The following XIRP2 variants were observed in gnomAD, a reference collection of about 807,000 sequenced individuals.
XIRP2 encodes the protein xin actin-binding repeat-containing protein 2.
Under a neutral mutation model 277.0 loss-of-function variants are expected in XIRP2, and 236 were observed. The observed-to-expected ratio is 0.85, with a 90% CI of 0.77 to 0.95. The LOEUF (loss-of-function observed/expected upper bound fraction) is 0.95. XIRP2 is among the 40% of genes least tolerant of loss of function. The probability of loss-of-function intolerance (pLI) is 0.00; values close to 1 mark genes in which losing one functional copy is unlikely to be tolerated. For synonymous variants in XIRP2, 1,490 were observed against 1,416.5 expected (o/e 1.05, Z -1.17); for missense variants, 4,640 against 4,157.5 (o/e 1.12, Z -3.19).
At chr2:167,231,010 G>A (rs772284601) in intron 5 of XIRP2, among the ~76,000 whole-genome samples, 1 of 151,998 alleles carries the variant, frequency 6.6e-6, no homozygotes, top group Non-Finnish European at 1.5e-5. Context: ...ATTCATTAGT[G>A]CAATTACAAA....
chr2:166,923,506 A>G (rs1184741863), intron 2 of XIRP2, among the ~76,000 whole-genome samples: 1 of 152,116 alleles, frequency 6.6e-6, no homozygotes, highest in Non-Finnish European at 1.5e-5. Context: ...TCCAAAATAG[A>G]TAGCCATTAA....
At chr2:166,963,990 G>A (rs549103428) in intron 2 of XIRP2, among the ~76,000 whole-genome samples, 1 of 151,830 alleles carries the variant, frequency 6.6e-6, no homozygotes, top group South Asian at 2.1e-4. Flanking sequence ...GAAACAGGTG[G>A]TGGGAGACAG....
intron 5 of XIRP2, among the ~76,000 whole-genome samples, chr2:167,221,460 CAAAAAAAAA>C (rs57006710): frequency 0.034 from 2,174 of 63,524 alleles, 42 homozygotes; most frequent in Middle Eastern, 0.15. Flanking sequence ...AACTCCATCT[CAAAAAAAAA>C]AAAAAAAAAA....
At chr2:167,088,023 C>T (rs1266561931) in intron 2 of XIRP2, among the ~76,000 whole-genome samples, 1 of 152,124 alleles carries the variant, frequency 6.6e-6, no homozygotes, top group East Asian at 1.9e-4. Flanking sequence ...AGTTTGTAAG[C>T]CATTGGTCAT....
intron 2 of XIRP2, among the ~76,000 whole-genome samples, chr2:166,922,720 C>T (rs952898259): frequency 5.9e-5 from 9 of 151,530 alleles, no homozygotes; most frequent in African/African-American, 2.2e-4. Flanking sequence ...CACACCACTG[C>T]ACTCCAGCCT....
chr2:166,925,249 C>T (rs965532655), intron 2 of XIRP2, among the ~76,000 whole-genome samples: 6 of 151,920 alleles, frequency 3.9e-5, no homozygotes, highest in African/African-American at 1.4e-4. Context: ...ATGAAGTTTT[C>T]ATTGAGCCAT....
At chr2:166,986,630 A>G (rs951427370) in intron 2 of XIRP2, among the ~76,000 whole-genome samples, 2 of 152,186 alleles carry the variant, frequency 1.3e-5, no homozygotes, top group African/African-American at 4.8e-5. Context: ...GGAACTGCTT[A>G]TTTTGCAACT....
At chr2:166,910,336 C>T (rs182402620) in intron 2 of XIRP2, among the ~76,000 whole-genome samples, 1 of 152,086 alleles carries the variant, frequency 6.6e-6, no homozygotes, top group Non-Finnish European at 1.5e-5. Context: ...CTGGTTTAGT[C>T]TTGGGAGGGT....
intron 2 of XIRP2, among the ~76,000 whole-genome samples, chr2:166,985,240 C>T (rs991629828): frequency 2.2e-4 from 33 of 151,970 alleles, no homozygotes; most frequent in Admixed American, 1.3e-3. Flanking sequence ...GCTTAGTGAC[C>T]CTAGCTAACA....
Position 167,251,422 on chromosome 2 carries a change from C to A in XIRP2, c.10030C>A (p.Pro3344Thr). Reference protein sequence around the residue: ...NRWFREFEHGPVSEAKSNRRV... With the variant: ...NRWFREFEHGTVSEAKSNRRV... Reference sequence around the variant, plus strand: ...ATGGTTCAGGGAATTTGAGCATGGCCCAGTTTCTGAAGCAAAGTCAAATAG... The same window carrying A: ...ATGGTTCAGGGAATTTGAGCATGGCACAGTTTCTGAAGCAAAGTCAAATAG... Residue 3344 changes from proline (P) to threonine (T), a missense_variant, in exon 9 of 11, where the codon CCA becomes ACA. Pro to Thr is a conservative substitution (Grantham distance 38, BLOSUM62 -1). Transcript: ENST00000409195. The A allele has an allele frequency of 6.2e-7, 1 of 1,613,502 alleles. No individual in the cohort carries two copies. Among genetic ancestry groups the A allele is most frequent in the Non-Finnish European group, 8.5e-7 (1 of 1,179,668 alleles).
chr2:166,951,900 C>T (rs1354679307), intron 2 of XIRP2, among the ~76,000 whole-genome samples: 1 of 152,010 alleles, frequency 6.6e-6, no homozygotes, highest in Admixed American at 6.6e-5. Flanking sequence ...TTCCCTGAGC[C>T]TCTGCGTCTC....
At chr2:167,143,158 C>T (rs1046845839) in intron 3 of XIRP2, among the ~76,000 whole-genome samples, 2 of 152,146 alleles carry the variant, frequency 1.3e-5, no homozygotes, top group African/African-American at 4.8e-5. Context: ...TGAACAGGTA[C>T]TATGGACCTG....
intron 5 of XIRP2, among the ~76,000 whole-genome samples, chr2:167,229,626 C>T (rs1255498055): frequency 6.6e-6 from 1 of 152,014 alleles, no homozygotes; most frequent in Non-Finnish European, 1.5e-5. Flanking sequence ...TCAAAATAAA[C>T]CCATCTTCAT....
At chr2:167,090,220 A>T (rs975917153) in intron 2 of XIRP2, among the ~76,000 whole-genome samples, 2 of 152,158 alleles carry the variant, frequency 1.3e-5, no homozygotes, top group Non-Finnish European at 2.9e-5. Flanking sequence ...TATTAATAAT[A>T]TAAATTAGTT....
chr2:167,144,823 G>C (rs1691820366), intron 3 of XIRP2, among the ~76,000 whole-genome samples: 1 of 152,104 alleles, frequency 6.6e-6, no homozygotes, highest in Admixed American at 6.5e-5. Context: ...TTGTACGTGG[G>C]AAGCTATTAA....
Position 166,980,010 on chromosome 2 carries a change from A to G in XIRP2, c.408+76120A>G, listed in dbSNP as rs1686825092. 1.3e-5 allele frequency among the ~76,000 whole-genome samples: 2 copies of G among 152,158 alleles called. 1 individual carries two copies. The highest frequency in any genetic ancestry group is 4.1e-4 in the South Asian group (2 of 4,834). ...TTTCCTTGTAGTAATGTGCTTAATT[A>G]CAAATTCAATTTTTTAAATACATAT... On this transcript the variant is annotated intron_variant, in intron 2 of 10. Transcript: ENST00000409195.
At chr2:167,214,165 A>G in intron 4 of XIRP2, among the ~76,000 whole-genome samples, 1 of 104,344 alleles carries the variant, frequency 9.6e-6, no homozygotes. Context: ...AAGGAAAGAA[A>G]GAGAAAGAAG....
intron 2 of XIRP2, among the ~76,000 whole-genome samples, chr2:167,035,473 C>T (rs1473697270): frequency 1.3e-5 from 2 of 152,058 alleles, no homozygotes; most frequent in Non-Finnish European, 2.9e-5. Flanking sequence ...GGCATTTTGC[C>T]CCTGCCTTAG....
chr2:167,116,426 T>C (rs955966123), intron 2 of XIRP2, among the ~76,000 whole-genome samples: 2 of 152,212 alleles, frequency 1.3e-5, no homozygotes, highest in Non-Finnish European at 2.9e-5. Flanking sequence ...TGGTCTAAAG[T>C]CTATTTCATC....
Sources: allele counts gnomAD v4.1 joint callset (sites outside exome capture counted in the v4.1 genomes callset), GRCh38; gene constraint gnomAD v4.1.1; transcripts MANE v1.5; gene names NCBI Gene and HGNC (gene_info 2026-07-23, HGNC 2026-07-21).